The following XRCC6 variants were observed in gnomAD, a reference collection of about 807,000 sequenced individuals.
The protein encoded by XRCC6 is X-ray repair cross complementing 6.
Under a neutral mutation model 65.7 loss-of-function variants are expected in XRCC6, and 5 were observed. The observed-to-expected ratio is 0.08, with a 90% CI of 0.04 to 0.16. The LOEUF is 0.16. Among genes scored for constraint, XRCC6 ranks in the 10% least tolerant of loss-of-function variants. XRCC6 has a pLI of 1.00. For missense variants in XRCC6, 447 were observed against 738.1 expected, an observed-to-expected ratio of 0.61 and a Z score of 4.57; for synonymous variants, 270 against 270.6, an observed-to-expected ratio of 1.00 and a Z score of 0.02.
intron 11 of XRCC6, among the ~76,000 whole-genome samples, chr22:41,660,599 C>G (rs1442107231): frequency 6.6e-6 from 1 of 152,124 alleles, no homozygotes; most frequent in Non-Finnish European, 1.5e-5. Flanking sequence ...ATCTTTCTCA[C>G]CTCTCTGCTG....
chr22:41,633,418 G>A (rs1209696173), intron 3 of XRCC6, among the ~76,000 whole-genome samples: 5 of 148,344 alleles, frequency 3.4e-5, no homozygotes, highest in East Asian at 2.0e-4. Flanking sequence ...TTTTTGAGAC[G>A]GAGTCTCGCT....
chr22:41,631,636 T>C (rs553636443), intron 3 of XRCC6, among the ~76,000 whole-genome samples: 1 of 114,766 alleles, frequency 8.7e-6, no homozygotes, highest in Non-Finnish European at 1.8e-5. Flanking sequence ...CGCTCCTCAC[T>C]TTCCAGACTG....
intron 11 of XRCC6, among the ~76,000 whole-genome samples, chr22:41,660,337 C>T (rs1194005051): frequency 6.6e-6 from 1 of 152,228 alleles, no homozygotes; most frequent in African/African-American, 2.4e-5. Context: ...GTCATCTCCC[C>T]ATCCCACTCC....
chr22:41,648,811 T>C (rs1490248332), intron 7 of XRCC6, among the ~76,000 whole-genome samples: 1 of 152,150 alleles, frequency 6.6e-6, no homozygotes, highest in Non-Finnish European at 1.5e-5. Context: ...ATTTTTTATA[T>C]TGATTTATTC....
chr22:41,649,858 A>C (rs2067978339), intron 7 of XRCC6, among the ~76,000 whole-genome samples: 1 of 151,134 alleles, frequency 6.6e-6, no homozygotes, highest in African/African-American at 2.4e-5. Flanking sequence ...AATAATAATA[A>C]ATAAATAAAT....
intron 8 of XRCC6, among the ~76,000 whole-genome samples, chr22:41,651,339 G>A (rs957852011): frequency 7.5e-6 from 1 of 132,764 alleles, no homozygotes; most frequent in Non-Finnish European, 1.6e-5. Flanking sequence ...TTGGAAATGT[G>A]GGAATGAAGA....
Position 41,628,234 on chromosome 22 carries a change from A to G in XRCC6, c.195+4A>G. On this transcript the variant is annotated splice_donor_region_variant and intron_variant, in intron 3 of 12. Coordinates refer to ENST00000360079, the MANE Select transcript of XRCC6 (RefSeq NM_001469.5). ...ACCTTTTGACATGAGCATCCAGGTA[A>G]GACTACCTTTTAATTTAAGACAAAT... The G allele has an allele frequency of 6.2e-7, 1 of 1,605,580 alleles. No individual in the cohort carries two copies.
chr22:41,659,681 A>T (rs2068082044), intron 11 of XRCC6, among the ~76,000 whole-genome samples: 1 of 151,944 alleles, frequency 6.6e-6, no homozygotes, highest in Non-Finnish European at 1.5e-5. Flanking sequence ...GCTGGACCTC[A>T]GTACATTCAT....
chr22:41,653,749 A>G (rs1745323325), intron 9 of XRCC6, 59 bp downstream of exon 9: 5 of 1,572,430 alleles, frequency 3.2e-6, no homozygotes, highest in African/African-American at 2.7e-5. Flanking sequence ...GGAATCATCC[A>G]TGGACTCCTA....
intron 7 of XRCC6, among the ~76,000 whole-genome samples, chr22:41,649,126 C>CAGAAAAAAA (rs2091487773): frequency 1.1e-5 from 1 of 90,270 alleles, no homozygotes; most frequent in Admixed American, 1.6e-4. Context: ...GAAGAGAGTA[C>CAGAAAAAAA]AAAAAAAAAA....
chr22:41,637,475 T>A (rs1459101549), intron 5 of XRCC6, 133 bp from the exon 6 acceptor site: 1 of 815,790 alleles, frequency 1.2e-6, no homozygotes, highest in Non-Finnish European at 1.9e-6. Context: ...AGTCACTTTT[T>A]CTAAGTCCTG....
chr22:41,625,581 C>A (rs1398107635), intron 2 of XRCC6, among the ~76,000 whole-genome samples: 5 of 152,156 alleles, frequency 3.3e-5, no homozygotes, highest in African/African-American at 7.2e-5. Flanking sequence ...ATGATAAAGT[C>A]ATGCTGAAGA....
At chr22:41,639,099 A>T (rs2067844825) in intron 6 of XRCC6, among the ~76,000 whole-genome samples, 2 of 152,072 alleles carry the variant, frequency 1.3e-5, no homozygotes, top group Non-Finnish European at 2.9e-5. Context: ...TTGTTGACCA[A>T]AATGTTAGTG....
chr22:41,628,010 TATAATAA>T, intron 2 of XRCC6, 101 bp from the exon 3 acceptor site: 1 of 671,394 alleles, frequency 1.5e-6, no homozygotes, highest in Non-Finnish European at 2.4e-6. Flanking sequence ...TTGTTCACCT[TATAATAA>T]TTTATTAGGT....
chr22:41,630,486 TTTC>T lies in XRCC6; in HGVS notation c.195+2259_195+2261del, dbSNP rs999959103. On this transcript the variant is annotated intron_variant, in intron 3 of 12. Coordinates refer to ENST00000360079, the MANE Select transcript of XRCC6 (RefSeq NM_001469.5). ...TTCAGCTTAATTAAAAAGATTAGTG[TTTC>T]TTTTTTTTTTTTTTTAATTTATTTT... Among the ~76,000 whole-genome samples, 9 of 69,774 alleles carry T rather than the reference TTTC, an allele frequency of 1.3e-4. 1 individual carries two copies. The highest frequency in any genetic ancestry group is 1.3e-4 in the Non-Finnish European group (4 of 30,384). The allele number at this position is 69,774 out of a possible 152,430, so 45.8% of individuals were successfully genotyped here. A position where few individuals can be genotyped will look rare whatever the true frequency, so the allele number is the denominator to read the frequency against.
intron 7 of XRCC6, among the ~76,000 whole-genome samples, chr22:41,650,123 G>A (rs1053004921): frequency 6.6e-6 from 1 of 151,760 alleles, no homozygotes; most frequent in South Asian, 2.1e-4. Context: ...TTTTGTGTTG[G>A]GGGGATAGAG....
intron 9 of XRCC6, among the ~76,000 whole-genome samples, chr22:41,656,215 C>CAAAA (rs132783): frequency 4.7e-5 from 6 of 127,202 alleles, no homozygotes; most frequent in Admixed American, 8.3e-5. Flanking sequence ...GATCCTGTCT[C>CAAAA]AAAAAAAAAA....
At chr22:41,632,576 A>T (rs1053179666) in intron 3 of XRCC6, among the ~76,000 whole-genome samples, 2 of 152,046 alleles carry the variant, frequency 1.3e-5, no homozygotes, top group Non-Finnish European at 2.9e-5. Flanking sequence ...ACGCCACTGC[A>T]CTCCATCCTG....
At chr22:41,660,068 G>A (rs1329418884) in intron 11 of XRCC6, among the ~76,000 whole-genome samples, 1 of 152,190 alleles carries the variant, frequency 6.6e-6, no homozygotes, top group East Asian at 1.9e-4. Flanking sequence ...GTGGACCAGG[G>A]GACTTCTGAT....
Sources: allele counts gnomAD v4.1 joint callset (sites outside exome capture counted in the v4.1 genomes callset), GRCh38; gene constraint gnomAD v4.1.1; transcripts MANE v1.5; gene names NCBI Gene and HGNC (gene_info 2026-07-23, HGNC 2026-07-21).